CADPS: variants seen among roughly 807,000 people sequenced by gnomAD.
CADPS encodes the protein calcium dependent secretion activator, also known as calcium-dependent secretion activator 1.
Under a neutral mutation model 167.3 loss-of-function variants are expected in CADPS, and 57 were observed. The ratio of observed to expected loss-of-function variants is 0.34; its 90% confidence interval spans 0.28 to 0.42. The LOEUF (loss-of-function observed/expected upper bound fraction) is 0.42. Among genes scored for constraint, CADPS ranks in the 20% least tolerant of loss-of-function variants. The pLI is 1.00. For missense variants in CADPS, 1,414 were observed against 1,738.1 expected (o/e 0.81, Z 3.32); for synonymous variants, 676 against 635.3 (o/e 1.06, Z -0.96).
At chr3:62,647,436 T>C (rs2068836794) in intron 5 of CADPS, among the ~76,000 whole-genome samples, 1 of 152,176 alleles carries the variant, frequency 6.6e-6, no homozygotes, top group Admixed American at 6.5e-5. Flanking sequence ...CAGGACTTTC[T>C]TTTTCTAACA....
intron 23 of CADPS, among the ~76,000 whole-genome samples, chr3:62,475,187 A>G (rs1297097701): frequency 6.6e-6 from 1 of 152,210 alleles, no homozygotes; most frequent in Non-Finnish European, 1.5e-5. Context: ...AACTCATAGA[A>G]AAAGCCTAGC....
At chr3:62,687,064 C>G (rs553433099) in intron 3 of CADPS, among the ~76,000 whole-genome samples, 1 of 152,108 alleles carries the variant, frequency 6.6e-6, no homozygotes, top group Non-Finnish European at 1.5e-5. Context: ...GGAACAGCCA[C>G]AAGCATGGGT....
At chr3:62,505,900 G>A (rs767407488) in intron 17 of CADPS, among the ~76,000 whole-genome samples, 3 of 152,134 alleles carry the variant, frequency 2.0e-5, no homozygotes, top group Non-Finnish European at 4.4e-5. Flanking sequence ...AGTGGATCCT[G>A]TCCAATGCAG....
At chr3:62,796,422 A>C (rs141626112) in intron 1 of CADPS, 43 of 152,274 alleles carry the variant, frequency 2.8e-4, no homozygotes, top group African/African-American at 8.2e-4. Context: ...GCTGTGGCTT[A>C]TTTGAATTTT....
In CADPS at chr3:62,661,645, T is replaced by C. The variant is rs1405225303; in HGVS notation, c.969+669A>G. 2.0e-5 allele frequency among the ~76,000 whole-genome samples: 3 copies of C among 152,168 alleles called. No individual in the cohort carries two copies. In the East Asian group the frequency reaches 5.8e-4, roughly 30 times the overall value. On this transcript the variant is annotated intron_variant, in intron 4 of 29. Transcript: ENST00000383710. ...AGGATTTTGAGGCTCTGTTTTGAGA[T>C]GTTTGTATATGAGTTTTATCCGGGC...
intron 1 of CADPS, among the ~76,000 whole-genome samples, chr3:62,865,385 TAAAAAAAAAAAA>T (rs35780515): frequency 9.1e-6 from 1 of 110,150 alleles, no homozygotes; most frequent in Non-Finnish European, 1.9e-5. Context: ...ACTTAAGGAT[TAAAAAAAAAAAA>T]AAAAAAAAAA....
intron 29 of CADPS, among the ~76,000 whole-genome samples, chr3:62,402,879 A>G (rs1174152129): frequency 1.3e-5 from 2 of 152,218 alleles, no homozygotes; most frequent in East Asian, 3.8e-4. Flanking sequence ...AAGATATCAA[A>G]TTCATTTGTA....
chr3:62,618,836 T>C (rs1286456292), intron 6 of CADPS, among the ~76,000 whole-genome samples: 1 of 152,228 alleles, frequency 6.6e-6, no homozygotes, highest in East Asian at 1.9e-4. Context: ...ATGTATTCAT[T>C]TGTTGGCACC....
chr3:62,676,654 C>T (rs1383920787), intron 3 of CADPS, among the ~76,000 whole-genome samples: 1 of 152,082 alleles, frequency 6.6e-6, no homozygotes, highest in Non-Finnish European at 1.5e-5. Flanking sequence ...CTTTTAAGTC[C>T]TGCAGGCGTT....
chr3:62,721,115 C>G (rs1218276497), intron 3 of CADPS, among the ~76,000 whole-genome samples: 3 of 99,308 alleles, frequency 3.0e-5, no homozygotes, highest in Non-Finnish European at 6.6e-5. Flanking sequence ...CCGTGCCCGG[C>G]AGGTTTTTTT....
At chr3:62,613,396 G>A (rs1372540585) in intron 6 of CADPS, among the ~76,000 whole-genome samples, 3 of 152,104 alleles carry the variant, frequency 2.0e-5, no homozygotes, top group Non-Finnish European at 4.4e-5. Context: ...GTGTTTATGA[G>A]GAAGAAGGGT....
intron 6 of CADPS, among the ~76,000 whole-genome samples, chr3:62,599,856 T>C (rs1276722857): frequency 3.2e-5 from 2 of 63,038 alleles, no homozygotes; most frequent in Non-Finnish European, 5.2e-5. Flanking sequence ...ATATATAATA[T>C]ATATAATATA....
intron 6 of CADPS, among the ~76,000 whole-genome samples, chr3:62,595,661 C>T (rs910740813): frequency 2.0e-5 from 3 of 152,102 alleles, no homozygotes; most frequent in African/African-American, 4.8e-5. Context: ...GATTAGATGA[C>T]ATGTAATAAT....
At chr3:62,549,447 G>GTTT (rs3074235) in intron 11 of CADPS, among the ~76,000 whole-genome samples, 11,022 of 129,114 alleles carry the variant, frequency 0.085, 628 homozygotes, top group Middle Eastern at 0.14. Context: ...CATGTTTTGT[G>GTTT]TTTTTTTTTT....
chr3:62,639,775 C>A (rs1389085640), intron 6 of CADPS, among the ~76,000 whole-genome samples: 1 of 152,084 alleles, frequency 6.6e-6, no homozygotes, highest in East Asian at 1.9e-4. Flanking sequence ...TGTAAGTTGT[C>A]GGCCCTGCCC....
intron 28 of CADPS, among the ~76,000 whole-genome samples, chr3:62,407,651 G>A (rs965638766): frequency 6.6e-6 from 1 of 152,180 alleles, no homozygotes; most frequent in East Asian, 1.9e-4. Flanking sequence ...GCCTAGCAGA[G>A]TGAGTGTCAC....
chr3:62,424,475 G>A (rs1030988045), intron 28 of CADPS, among the ~76,000 whole-genome samples: 3 of 152,220 alleles, frequency 2.0e-5, no homozygotes, highest in South Asian at 2.1e-4. Flanking sequence ...GAGCCACCGC[G>A]CCTGGCCTGA....
At chr3:62,661,483 T>C (rs941179533) in intron 4 of CADPS, among the ~76,000 whole-genome samples, 7 of 152,144 alleles carry the variant, frequency 4.6e-5, no homozygotes, top group Non-Finnish European at 7.4e-5. Context: ...TTCTCTGTAG[T>C]TGGACTCGGG....
At chr3:62,639,371 A>T (rs1435099205) in intron 6 of CADPS, among the ~76,000 whole-genome samples, 1 of 152,166 alleles carries the variant, frequency 6.6e-6, no homozygotes, top group Admixed American at 6.5e-5. Flanking sequence ...GAACTTGAGC[A>T]TGGAGTGTCA....
Sources: allele counts gnomAD v4.1 joint callset (sites outside exome capture counted in the v4.1 genomes callset), GRCh38; gene constraint gnomAD v4.1.1; transcripts MANE v1.5; gene names NCBI Gene and HGNC (gene_info 2026-07-23, HGNC 2026-07-21).